KIAA1217: variants seen among roughly 807,000 people sequenced by gnomAD.
KIAA1217 encodes the protein sickle tail protein homolog.
KIAA1217 carries 88 observed loss-of-function variants against 163.9 expected under a neutral mutation model. The observed-to-expected ratio is 0.54, with a 90% CI of 0.45 to 0.64. The LOEUF is 0.64. Ranked by LOEUF, KIAA1217 falls within the 30% of genes least tolerant of loss-of-function variation. The probability of loss-of-function intolerance (pLI) is 0.00; values close to 1 mark genes in which losing one functional copy is unlikely to be tolerated. For synonymous variants in KIAA1217, 903 were observed against 923.1 expected, an observed-to-expected ratio of 0.98 and a Z score of 0.39; for missense variants, 2,372 against 2,475.0, an observed-to-expected ratio of 0.96 and a Z score of 0.88.
chr10:24,304,178 A>G (rs2041723685), intron 2 of KIAA1217, among the ~76,000 whole-genome samples: 1 of 136,786 alleles, frequency 7.3e-6, no homozygotes, highest in Non-Finnish European at 1.6e-5. Context: ...TCATTGCTTC[A>G]TCATTTCGAA....
rs561921978 is a variant in KIAA1217 at position 24,321,703 on chromosome 10, G to A, written c.355-59166G>A. Among the ~76,000 whole-genome samples the A allele has an allele frequency of 3.0e-4, 46 of 152,288 alleles. 1 individual carries two copies. Among genetic ancestry groups the A allele is most frequent in the Non-Finnish European group, 4.6e-4 (31 of 68,032 alleles). ...TAGTATAGGATTCCACTTGTATGAA[G>A]TACTTAGGGTAGTCGAATTCAGAGA... On this transcript the variant is annotated intron_variant, in intron 2 of 20. Transcript: ENST00000376454.
rs758367708 is a variant in KIAA1217, at chr10:24,088,256, CAT to C, written c.-171+80900_-171+80901del. ...TCCCAGGCTCTGTTTTTTTAATATA[CAT>C]ATATATATATATATATACACACATA... On this transcript the variant is annotated intron_variant, in intron 2 of 18. Coordinates refer to the KIAA1217 transcript ENST00000376462. Among the ~76,000 whole-genome samples the C allele has an allele frequency of 1.4e-3, 136 of 95,760 alleles. 15 individuals carry two copies. The highest frequency in any genetic ancestry group is 2.7e-3 in the African/African-American group (81 of 29,794). The allele number at this position is 95,760 out of a possible 152,430, so 62.8% of individuals were successfully genotyped here.
chr10:24,138,360 G>T (rs927430500), intron 2 of KIAA1217, among the ~76,000 whole-genome samples: 5 of 152,118 alleles, frequency 3.3e-5, no homozygotes, highest in Non-Finnish European at 5.9e-5. Context: ...TGTTTCCCAG[G>T]CTGGTCTTGA....
At chr10:24,275,708 A>T (rs1368039351) in intron 2 of KIAA1217, 1 of 526,790 alleles carries the variant, frequency 1.9e-6, no homozygotes, top group African/African-American at 1.9e-5. Context: ...GGTTTGGTGC[A>T]AAAGTAATTG....
At chr10:23,764,907 C>T (rs1041897824) in intron 1 of KIAA1217, among the ~76,000 whole-genome samples, 1 of 152,118 alleles carries the variant, frequency 6.6e-6, no homozygotes, top group East Asian at 1.9e-4. Context: ...ACACACAAGT[C>T]ACATAATATC....
At chr10:23,944,662 A>G (rs935284799) in intron 1 of KIAA1217, among the ~76,000 whole-genome samples, 3 of 152,204 alleles carry the variant, frequency 2.0e-5, no homozygotes, top group Non-Finnish European at 4.4e-5. Context: ...GCTAAACTTA[A>G]AAAGATTAAC....
chr10:24,149,896 T>G (rs1049687560), intron 2 of KIAA1217, among the ~76,000 whole-genome samples: 1 of 152,092 alleles, frequency 6.6e-6, no homozygotes, highest in Non-Finnish European at 1.5e-5. Context: ...CAAGTTTTTT[T>G]AAAAAACAAA....
intron 2 of KIAA1217, among the ~76,000 whole-genome samples, chr10:24,162,197 G>A (rs1383459363): frequency 2.0e-5 from 3 of 152,180 alleles, no homozygotes; most frequent in African/African-American, 4.8e-5. Flanking sequence ...ACTTGTAACA[G>A]GGCAGGGAAA....
chr10:23,749,210 G>C (rs551980192), intron 1 of KIAA1217, among the ~76,000 whole-genome samples: 2 of 152,158 alleles, frequency 1.3e-5, no homozygotes, highest in South Asian at 4.2e-4. Context: ...CCTCCTTTTT[G>C]TTAAATCCAC....
intron 5 of KIAA1217, among the ~76,000 whole-genome samples, chr10:24,462,304 C>A (rs2062490818): frequency 6.6e-6 from 1 of 152,074 alleles, no homozygotes. Context: ...CAGTGAGATG[C>A]CCCAGTGATT....
intron 2 of KIAA1217, among the ~76,000 whole-genome samples, chr10:24,102,810 G>A (rs145833402): frequency 1.3e-5 from 2 of 152,312 alleles, no homozygotes; most frequent in East Asian, 3.9e-4. Context: ...ATGTTTGGCT[G>A]TGTCCCTACC....
At chr10:24,347,721 G>T (rs2047963309) in intron 2 of KIAA1217, among the ~76,000 whole-genome samples, 1 of 152,132 alleles carries the variant, frequency 6.6e-6, no homozygotes, top group African/African-American at 2.4e-5. Context: ...TACATTAAAA[G>T]ATACAACAAA....
intron 1 of KIAA1217, among the ~76,000 whole-genome samples, chr10:23,991,753 G>C (rs1194125880): frequency 6.6e-6 from 1 of 152,136 alleles, no homozygotes; most frequent in African/African-American, 2.4e-5. Context: ...TGGCATTCTA[G>C]GGAAGGCGAT....
intron 2 of KIAA1217, among the ~76,000 whole-genome samples, chr10:24,318,995 A>G (rs1041709046): frequency 1.3e-5 from 2 of 152,202 alleles, no homozygotes; most frequent in African/African-American, 4.8e-5. Flanking sequence ...AGCAGTAGTC[A>G]TGGGAGTGGA....
intron 2 of KIAA1217, among the ~76,000 whole-genome samples, chr10:24,120,201 T>C (rs2063226524): frequency 6.6e-6 from 1 of 152,204 alleles, no homozygotes; most frequent in South Asian, 2.1e-4. Flanking sequence ...ATAGATGTCC[T>C]TTAAATTTCC....
At chr10:24,082,296 C>T (rs2061562911) in intron 2 of KIAA1217, among the ~76,000 whole-genome samples, 1 of 151,888 alleles carries the variant, frequency 6.6e-6, no homozygotes, top group Admixed American at 6.6e-5. Context: ...AGGTTTGCTA[C>T]ATAGATAAAA....
In KIAA1217 at chr10:23,813,195, T is replaced by G. The variant is rs530500972; in HGVS notation, c.-321+117961T>G. On this transcript the variant is annotated intron_variant, in intron 1 of 18. Transcript: ENST00000376462. ...GTTTTTCTCTGATGGCTCATCATGT[T>G]GAACATCTTGAGCCTATTGGCCATT... 5.3e-5 allele frequency among the ~76,000 whole-genome samples: 8 copies of G among 152,318 alleles called. No homozygotes were observed. The South Asian group carries it at 1.4e-3, about 28-fold the overall frequency.
chr10:24,056,614 G>A (rs1298783949), intron 2 of KIAA1217, among the ~76,000 whole-genome samples: 2 of 152,014 alleles, frequency 1.3e-5, no homozygotes, highest in Non-Finnish European at 2.9e-5. Context: ...AAATCCTATT[G>A]GAAAGAAAGC....
chr10:23,754,175 T>C (rs888552264), intron 1 of KIAA1217, among the ~76,000 whole-genome samples: 1 of 152,198 alleles, frequency 6.6e-6, no homozygotes, highest in African/African-American at 2.4e-5. Context: ...ACACTCAATA[T>C]TTGTTAAACA....
Sources: gnomAD v4.1 joint callset for allele counts (sites outside exome capture counted in the v4.1 genomes callset) on GRCh38, gnomAD v4.1.1 for gene constraint, MANE v1.5 for transcripts, NCBI Gene and HGNC (gene_info 2026-07-23, HGNC 2026-07-21) for gene names.